Variants in WDR41 observed in about 807,000 individuals in gnomAD.
WDR41 encodes WD repeat-containing protein 41.
Under a neutral mutation model 69.3 loss-of-function variants are expected in WDR41, and 63 were observed. That is an observed-to-expected ratio of 0.91 (90% confidence interval 0.74 to 1.12). The LOEUF is 1.12. WDR41 is among the 50% of genes most tolerant of loss of function. WDR41 has a pLI of 0.00. For synonymous variants in WDR41, 185 were observed against 192.1 expected (o/e 0.96, Z 0.31); for missense variants, 543 against 534.5 (o/e 1.02, Z -0.16).
chr5:77,439,083 G>GA (rs1799056343), intron 9 of WDR41, among the ~76,000 whole-genome samples: 2 of 152,152 alleles, frequency 1.3e-5, no homozygotes, highest in African/African-American at 4.8e-5. Context: ...GTCAATATTA[G>GA]AATCAAGGTC....
chr5:77,457,333 G>T (rs1799875718), intron 5 of WDR41, among the ~76,000 whole-genome samples: 2 of 151,906 alleles, frequency 1.3e-5, no homozygotes, highest in South Asian at 4.1e-4. Flanking sequence ...ATATGTTTTT[G>T]TTACTTAACA....
intron 1 of WDR41, among the ~76,000 whole-genome samples, chr5:77,568,952 C>T (rs1336844626): frequency 6.6e-6 from 1 of 152,126 alleles, no homozygotes; most frequent in African/African-American, 2.4e-5. Flanking sequence ...CAAGAGACTG[C>T]AGTGTCACAG....
intron 5 of WDR41, 137 bp downstream of exon 5, chr5:77,458,925 C>G (rs16874295): frequency 0.019 from 11,016 of 566,378 alleles, 867 homozygotes; most frequent in African/African-American, 0.18. Context: ...TGATCTTACA[C>G]GAAGCAAATG....
chr5:77,572,146 C>T (rs1306214085), intron 1 of WDR41, among the ~76,000 whole-genome samples: 1 of 152,192 alleles, frequency 6.6e-6, no homozygotes, highest in Non-Finnish European at 1.5e-5. Context: ...TAAAAGCTAT[C>T]TTAGTAACGA....
intron 1 of WDR41, among the ~76,000 whole-genome samples, chr5:77,506,280 T>G (rs1802106147): frequency 1.3e-5 from 2 of 152,010 alleles, no homozygotes; most frequent in Non-Finnish European, 2.9e-5. Context: ...AAAAGACACA[T>G]GAAAAAATGC....
chr5:77,538,680 C>G (rs947133550), intron 1 of WDR41, among the ~76,000 whole-genome samples: 1 of 152,160 alleles, frequency 6.6e-6, no homozygotes, highest in African/African-American at 2.4e-5. Context: ...GACAGGATTT[C>G]ATTCTTTAAA....
chr5:77,583,569 T>G, intron 1 of WDR41, among the ~76,000 whole-genome samples: 1 of 152,070 alleles, frequency 6.6e-6, no homozygotes, highest in East Asian at 1.9e-4. Context: ...ATCAAAATAT[T>G]ATATAGGTAC....
At chr5:77,436,101 A>C (rs1798927018) in intron 12 of WDR41, among the ~76,000 whole-genome samples, 160 bp downstream of exon 12, 1 of 143,128 alleles carries the variant, frequency 7.0e-6, no homozygotes. Context: ...GGGAGACCCT[A>C]ACTGCACATA....
intron 1 of WDR41, among the ~76,000 whole-genome samples, chr5:77,513,765 T>C (rs985615578): frequency 1.3e-5 from 2 of 152,206 alleles, no homozygotes; most frequent in African/African-American, 4.8e-5. Context: ...TTTTTAAATG[T>C]TCATGAGCCC....
At chr5:77,607,590 C>A (rs972622074) in intron 1 of WDR41, among the ~76,000 whole-genome samples, 2 of 152,156 alleles carry the variant, frequency 1.3e-5, no homozygotes, top group African/African-American at 4.8e-5. Context: ...TAATCTAGAT[C>A]CTCTGTATGA....
At chr5:77,491,980 C>T (rs1414770177) in intron 1 of WDR41, 190 bp downstream of exon 1, 2 of 657,926 alleles carry the variant, frequency 3.0e-6, no homozygotes, top group Non-Finnish European at 4.9e-6. Context: ...GGGGTCCCGC[C>T]GGGTCTGAGG....
At chr5:77,436,986 C>T (rs1385064669) in intron 11 of WDR41, among the ~76,000 whole-genome samples, 1 of 152,110 alleles carries the variant, frequency 6.6e-6, no homozygotes, top group East Asian at 1.9e-4. Context: ...GGGTAAAGAA[C>T]ACTTTGGTTT....
At chr5:77,472,351 T>A (rs10065455) in intron 2 of WDR41, among the ~76,000 whole-genome samples, 1 of 151,448 alleles carries the variant, frequency 6.6e-6, no homozygotes. Context: ...GCATTCCCTT[T>A]GAAAACTGGC....
chr5:77,502,908 A>G (rs1165285050), intron 1 of WDR41, among the ~76,000 whole-genome samples: 1 of 152,208 alleles, frequency 6.6e-6, no homozygotes, highest in African/African-American at 2.4e-5. Flanking sequence ...GCCAGCGCAA[A>G]AACATGCCAA....
chr5:77,497,028 A>G (rs1379970465), upstream of WDR41, among the ~76,000 whole-genome samples: 1 of 152,138 alleles, frequency 6.6e-6, no homozygotes, highest in Non-Finnish European at 1.5e-5. Context: ...TGGTACTAGG[A>G]AAACTGGATC....
intron 12 of WDR41, among the ~76,000 whole-genome samples, chr5:77,435,872 G>C (rs559492785): frequency 2.0e-5 from 3 of 152,292 alleles, no homozygotes; most frequent in Admixed American, 1.3e-4. Context: ...CTCTGTTCAT[G>C]AATTTGATAA....
At chr5:77,434,576 G>C (rs1798866593) in intron 12 of WDR41, among the ~76,000 whole-genome samples, 1 of 151,910 alleles carries the variant, frequency 6.6e-6, no homozygotes. Context: ...GTGGTGGCGG[G>C]CACCTGTAAT....
intron 1 of WDR41, among the ~76,000 whole-genome samples, chr5:77,614,249 G>A (rs1444051151): frequency 1.3e-5 from 2 of 150,206 alleles, no homozygotes; most frequent in South Asian, 2.1e-4. Flanking sequence ...GATTCCTCAG[G>A]GATCTAGAAC....
At chr5:77,588,518 G>C (rs1221352312) in intron 1 of WDR41, among the ~76,000 whole-genome samples, 1 of 151,196 alleles carries the variant, frequency 6.6e-6, no homozygotes, top group East Asian at 1.9e-4. Flanking sequence ...TCCTTTTTTG[G>C]AAAAAAAATG....
Sources: allele counts gnomAD v4.1 joint callset (sites outside exome capture counted in the v4.1 genomes callset), GRCh38; gene constraint gnomAD v4.1.1; transcripts MANE v1.5; gene names NCBI Gene and HGNC (gene_info 2026-07-23, HGNC 2026-07-21).